ODAD1: variants seen among roughly 807,000 people sequenced by gnomAD.
The protein encoded by ODAD1 is outer dynein arm docking complex subunit 1, also known as outer dynein arm-docking complex subunit 1.
Under a neutral mutation model 67.2 loss-of-function variants are expected in ODAD1, and 49 were observed. The ratio of observed to expected loss-of-function variants is 0.73; its 90% CI spans 0.58 to 0.92. The LOEUF is 0.92. Among genes scored for constraint, ODAD1 ranks in the 40% least tolerant of loss-of-function variants. The probability of loss-of-function intolerance (pLI) is 0.00; values close to 1 mark genes in which losing one functional copy is unlikely to be tolerated. For missense variants in ODAD1, 897 were observed against 953.7 expected, an observed-to-expected ratio of 0.94 and a Z score of 0.78; for synonymous variants, 345 against 393.7, an observed-to-expected ratio of 0.88 and a Z score of 1.46.
intron 3 of ODAD1, chr19:48,319,985 T>A (rs1297632876): frequency 2.0e-6 from 2 of 996,676 alleles, no homozygotes; most frequent in Non-Finnish European, 1.2e-6. Flanking sequence ...GTACCAAGGT[T>A]GAGAAAGCCT....
chr19:48,312,749 C>T (rs1968799003), intron 5 of ODAD1, among the ~76,000 whole-genome samples: 1 of 152,154 alleles, frequency 6.6e-6, no homozygotes, highest in Admixed American at 6.6e-5. Context: ...GGGGGAAGCA[C>T]ATGAGATGGA....
chr19:48,320,754 C>T lies in ODAD1; in HGVS notation c.-24+18G>A. 6.2e-6 allele frequency: 1 copy of T among 161,710 alleles called. No individual in the cohort carries two copies. Among genetic ancestry groups the T allele is most frequent in the South Asian group, 1.3e-4 (1 of 7,492 alleles). 10.0% of individuals were successfully genotyped at this position (161,710 alleles called of 1,614,324 possible). A position where few individuals can be genotyped will look rare whatever the true frequency, so the allele number is the denominator to read the frequency against. ...AGGGTCGGGGGAGTCCTGGGCCCTA[C>T]CTGCCGACGGGCCTGACCTGTTCTT... is the stretch of plus-strand genomic sequence containing the variant. On this transcript the variant is annotated intron_variant, in intron 2 of 15. Transcript: ENST00000674294.
chr19:48,296,788 G>A lies in ODAD1; in HGVS notation c.*188C>T. 1 of 1,419,056 alleles carries A rather than the reference G, an allele frequency of 7.0e-7. No individual in the cohort carries two copies. The highest frequency in any genetic ancestry group is 9.1e-7 in the Non-Finnish European group (1 of 1,093,508). 87.9% of individuals were successfully genotyped at this position (1,419,056 alleles called of 1,614,324 possible). On this transcript the variant is annotated 3_prime_UTR_variant, in exon 16 of 16. Coordinates refer to ENST00000674294, the MANE Select transcript of ODAD1 (RefSeq NM_001364171.2). ...GGAAAAGCAGTGTCAGGAGCAGAGA[G>A]AAAGGAACCGGGAGACACAGGTGAG...
chr19:48,306,160 G>A (rs1443655321), intron 8 of ODAD1, 96 bp downstream of exon 8: 1 of 1,511,768 alleles, frequency 6.6e-7, no homozygotes, highest in Non-Finnish European at 8.9e-7. Context: ...GTTCTGACGT[G>A]TTTCATGAGT....
rs369012156 is a variant in ODAD1 at position 48,317,965 on chromosome 19, C to T, written c.360+422G>A. On this transcript the variant is annotated intron_variant, in intron 5 of 15. Coordinates refer to ENST00000674294, the MANE Select transcript of ODAD1 (RefSeq NM_001364171.2). ...GTGGGCACCTGTAGTCCCAGCTACTCGGGAAGCTGAGGCAGGAGAATAGCA... is the reference window on the plus strand; with the variant it reads ...GTGGGCACCTGTAGTCCCAGCTACTTGGGAAGCTGAGGCAGGAGAATAGCA... 8.6e-4 allele frequency among the ~76,000 whole-genome samples: 130 copies of T among 151,624 alleles called. 1 individual carries two copies. Among genetic ancestry groups the T allele is most frequent in the African/African-American group, 3.0e-3 (125 of 41,402 alleles).
At position 48,311,620 on chromosome 19, in the gene ODAD1, C is replaced by T. The variant is rs985411731; in HGVS notation, c.530G>A (p.Arg177Gln). The T allele has an allele frequency of 5.8e-6, 9 of 1,551,242 alleles. No individual in the cohort carries two copies. In the Middle Eastern group the frequency reaches 5.0e-4, roughly 86 times the overall value. Residue 177 changes from arginine to glutamine, a missense_variant, in exon 7 of 16, where the codon CGG (arginine) becomes CAG (glutamine). Physicochemically the swap from Arg to Gln is conservative, Grantham distance 43. Transcript: ENST00000674294. Reference protein sequence around the residue: ...DNQLVRNAALREELDLLRIDR... With the variant: ...DNQLVRNAALQEELDLLRIDR... Reference sequence around the variant, plus strand: ...GATCCGCAGCAGATCCAGCTCCTCCCGCAGGGCCGCATTCCGTACCAGCTG... The same window carrying T: ...GATCCGCAGCAGATCCAGCTCCTCCTGCAGGGCCGCATTCCGTACCAGCTG...
intron 7 of ODAD1, among the ~76,000 whole-genome samples, chr19:48,307,176 C>T (rs189761786): frequency 3.1e-4 from 46 of 149,648 alleles, no homozygotes; most frequent in African/African-American, 1.1e-3. Context: ...AAGAGTGAGA[C>T]TCCATCTCAA....
At chr19:48,318,027 T>C (rs1968943957) in intron 5 of ODAD1, among the ~76,000 whole-genome samples, 1 of 151,838 alleles carries the variant, frequency 6.6e-6, no homozygotes, top group South Asian at 2.1e-4. Context: ...GAGCCGAGAT[T>C]GTGCCAATGC....
chr19:48,311,056 C>G (rs1028505849), intron 7 of ODAD1, among the ~76,000 whole-genome samples: 9 of 152,034 alleles, frequency 5.9e-5, no homozygotes, highest in Non-Finnish European at 1.3e-4. Flanking sequence ...ACTAAAAATA[C>G]AAAAAATTAG....
chr19:48,301,251 G>A (rs1393439406), intron 12 of ODAD1, among the ~76,000 whole-genome samples: 2 of 152,140 alleles, frequency 1.3e-5, no homozygotes, highest in East Asian at 1.9e-4. Context: ...AAAACTGTTC[G>A]GCATTTTCTA....
At chr19:48,314,187 G>T (rs1445081372) in intron 5 of ODAD1, among the ~76,000 whole-genome samples, 2 of 152,172 alleles carry the variant, frequency 1.3e-5, no homozygotes, top group African/African-American at 4.8e-5. Context: ...AGGCTGCAGT[G>T]AGCTGAGAGA....
Position 48,315,347 on chromosome 19 carries a change from C to A in ODAD1, c.360+3040G>T, listed in dbSNP as rs137994301. 8.8e-3 allele frequency among the ~76,000 whole-genome samples: 1,341 copies of A among 152,288 alleles called. 19 individuals carry two copies. The highest frequency in any genetic ancestry group is 0.031 in the African/African-American group (1,283 of 41,558). On this transcript the variant is annotated intron_variant, in intron 5 of 15. Transcript: ENST00000674294. ...ATCCCCTGAGGTCAGGAGTTCGAGACCAGCCTGGCCAACATGGCGAAACCC... is the reference window on the plus strand; with the variant it reads ...ATCCCCTGAGGTCAGGAGTTCGAGAACAGCCTGGCCAACATGGCGAAACCC...
intron 5 of ODAD1, among the ~76,000 whole-genome samples, chr19:48,314,279 C>G (rs183464367): frequency 6.6e-6 from 1 of 152,310 alleles, no homozygotes; most frequent in East Asian, 1.9e-4. Flanking sequence ...ATGGAACAGA[C>G]AGATTCTCCC....
rs752613452 is a variant in ODAD1 at position 48,297,536 on chromosome 19, T to C, written c.1582-18A>G. On this transcript the variant is annotated intron_variant, in intron 15 of 15. Transcript: ENST00000674294. ...AGCTCCACCTGCAGGGAAGGTGAAC[T>C]GGGCCCCGACACACACTGAGGCCTG... is the stretch of plus-strand genomic sequence containing the variant. 4.4e-6 allele frequency: 7 copies of C among 1,598,892 alleles called. No individual in the cohort carries two copies. The South Asian group carries it at 7.8e-5, about 18-fold the overall frequency.
chr19:48,313,426 C>CAAA (rs568077350), intron 5 of ODAD1, among the ~76,000 whole-genome samples: 5 of 30,008 alleles, frequency 1.7e-4, no homozygotes, highest in Admixed American at 3.2e-4. Flanking sequence ...GACTCCATCT[C>CAAA]AAAAAAAAAA....
rs767729076 is a variant in ODAD1 at position 48,318,566 on chromosome 19, G to A, written c.181C>T (p.Arg61Trp). The change falls in exon 5 of 16, where the codon CGG becomes TGG. Residue 61 changes from arginine to tryptophan, a missense_variant. Physicochemically the swap from Arg to Trp is moderately radical, Grantham distance 101 (BLOSUM62 -3). Coordinates refer to ENST00000674294, the MANE Select transcript of ODAD1 (RefSeq NM_001364171.2). ...QRINKQLEEI[R>W]RLEEVRGDLQ... ...TCGCCCCGTACCTCCTCCAAGCGCC[G>A]GATCTCCTCACTACCCAGGCAGGGA... 86 of 1,551,026 alleles carry A rather than the reference G, an allele frequency of 5.5e-5. No homozygotes were observed. The highest frequency in any genetic ancestry group is 5.5e-5 in the African/African-American group (4 of 72,978).
intron 7 of ODAD1, among the ~76,000 whole-genome samples, chr19:48,309,729 T>G (rs1392793346): frequency 1.3e-5 from 2 of 152,086 alleles, no homozygotes; most frequent in African/African-American, 4.8e-5. Flanking sequence ...GGACAAGATA[T>G]TTACACAGTC....
At chr19:48,306,011 A>T (rs1261117414) in intron 8 of ODAD1, 1 of 168,474 alleles carries the variant, frequency 5.9e-6, no homozygotes, top group South Asian at 2.0e-4. Context: ...GTGAGCCAAG[A>T]TAGCGCAACT....
rs974997306 is a variant in ODAD1 at position 48,298,357 on chromosome 19, C to T, written c.1241-17G>A. The T allele has an allele frequency of 1.3e-5, 21 of 1,612,888 alleles. No individual in the cohort carries two copies. Among genetic ancestry groups the T allele is most frequent in the Non-Finnish European group, 1.7e-5 (20 of 1,179,416 alleles). On this transcript the variant is annotated splice_polypyrimidine_tract_variant and intron_variant, in intron 12 of 15. Coordinates refer to ENST00000674294, the MANE Select transcript of ODAD1 (RefSeq NM_001364171.2). ...GCTGGATATCTGCGTCATGGAGGGCCGGTTGTCAGGGATCTGGCACCGCCA... is the reference window on the plus strand; with the variant it reads ...GCTGGATATCTGCGTCATGGAGGGCTGGTTGTCAGGGATCTGGCACCGCCA...
Sources: allele counts gnomAD v4.1 joint callset (sites outside exome capture counted in the v4.1 genomes callset), GRCh38; gene constraint gnomAD v4.1.1; transcripts MANE v1.5; gene names NCBI Gene and HGNC (gene_info 2026-07-23, HGNC 2026-07-21).